Variants in ARHGEF12 observed in about 807,000 individuals in gnomAD.
The protein encoded by ARHGEF12 is Rho guanine nucleotide exchange factor 12.
A neutral mutation model predicts 211.2 loss-of-function variants in ARHGEF12; 66 were observed. The observed-to-expected ratio is 0.31, with a 90% CI of 0.26 to 0.38. ARHGEF12 has a LOEUF of 0.38. ARHGEF12 is among the 10% of genes least tolerant of loss of function. The pLI is 1.00. For missense variants in ARHGEF12, 1,429 were observed against 1,869.5 expected (o/e 0.76, Z 4.34); for synonymous variants, 592 against 638.4 (o/e 0.93, Z 1.09).
chr11:120,422,429 G>A (rs11217863), intron 6 of ARHGEF12, among the ~76,000 whole-genome samples: 13,446 of 152,194 alleles, frequency 0.088, 839 homozygotes, highest in South Asian at 0.21. Context: ...GCAATATAGT[G>A]AGACCCTGTC....
chr11:120,438,687 T>C (rs1472618605), intron 12 of ARHGEF12: 2 of 152,328 alleles, frequency 1.3e-5, no homozygotes, highest in East Asian at 3.9e-4. Context: ...CCTTCTTTGC[T>C]GAACTCCATC....
intron 1 of ARHGEF12, among the ~76,000 whole-genome samples, chr11:120,362,848 C>G (rs1291308431): frequency 6.6e-6 from 1 of 152,196 alleles, no homozygotes. Context: ...TGCCTGTAAT[C>G]CCAGCAGTTT....
rs1332243576 is a variant in ARHGEF12 at position 120,481,723 on chromosome 11, A to C, written c.4554+147A>C. On this transcript the variant is annotated intron_variant, in intron 39 of 40. Coordinates refer to ENST00000397843, the MANE Select transcript of ARHGEF12 (RefSeq NM_015313.3). ...TTATCCATGAATAGGCCTGGGTAAA[A>C]AGTTGAGATTGGCATTGTTTATCTT... 6.6e-6 allele frequency: 5 copies of C among 752,226 alleles called. No homozygotes were observed. The Admixed American group carries it at 1.4e-4, about 22-fold the overall frequency. The allele number at this position is 752,226 out of a possible 1,614,324, so 46.6% of individuals were successfully genotyped here.
chr11:120,409,023 A>C, intron 3 of ARHGEF12: 1 of 173,514 alleles, frequency 5.8e-6, no homozygotes, highest in East Asian at 1.6e-4. Context: ...TTGTATCTAC[A>C]TCTGTGCTGT....
intron 14 of ARHGEF12, 57 bp downstream of exon 14, chr11:120,441,874 A>G (rs1308542659): frequency 6.0e-6 from 9 of 1,500,848 alleles, no homozygotes; most frequent in Non-Finnish European, 7.4e-6. Context: ...CATGTGCCAT[A>G]GAACTTTTCC....
intron 1 of ARHGEF12, among the ~76,000 whole-genome samples, chr11:120,343,797 C>G (rs1268176486): frequency 6.6e-6 from 1 of 152,218 alleles, no homozygotes; most frequent in Non-Finnish European, 1.5e-5. Context: ...GCTTGTCACA[C>G]TGCTTTTTCT....
chr11:120,347,546 C>G (rs1368949827), intron 1 of ARHGEF12, among the ~76,000 whole-genome samples: 1 of 152,072 alleles, frequency 6.6e-6, no homozygotes, highest in African/African-American at 2.4e-5. Flanking sequence ...GAGAAAGGAT[C>G]TATCATATCT....
chr11:120,349,641 T>C (rs760704886), intron 1 of ARHGEF12, among the ~76,000 whole-genome samples: 6 of 152,200 alleles, frequency 3.9e-5, no homozygotes, highest in African/African-American at 1.4e-4. Flanking sequence ...TCTGTAAAAA[T>C]GGGAAGAATA....
At chr11:120,448,486 C>G (rs1205013089) in intron 20 of ARHGEF12, 138 bp downstream of exon 20, 1 of 645,492 alleles carries the variant, frequency 1.5e-6, no homozygotes, top group Non-Finnish European at 2.7e-6. Context: ...GATACTGTCT[C>G]TGTTCTCAAG....
intron 1 of ARHGEF12, among the ~76,000 whole-genome samples, chr11:120,343,905 T>TA (rs1942612219): frequency 6.6e-6 from 1 of 152,208 alleles, no homozygotes; most frequent in African/African-American, 2.4e-5. Context: ...TACATTCATA[T>TA]ACTCAAAAGA....
In ARHGEF12 at chr11:120,460,731, C is replaced by A; in HGVS notation, c.2587C>A (p.Gln863Lys). 1 of 1,613,818 alleles carries A rather than the reference C, an allele frequency of 6.2e-7. No homozygotes were observed. Among genetic ancestry groups the A allele is most frequent in the Non-Finnish European group, 8.5e-7 (1 of 1,179,876 alleles). ...GAGAAATGAGACCTCTGTTATCGAT[C>A]AGATTGGGGAAGATTTGCTGACATG... ...RKRNETSVID[Q>K]IGEDLLTWFS... is the part of the protein sequence containing the mutation. The change falls in exon 27 of 41, where the codon CAG (glutamine) becomes AAG (lysine). Residue 863 changes from glutamine (Q) to lysine (K), a missense_variant. Physicochemically the swap from Gln to Lys is moderately conservative, Grantham distance 53. Transcript: ENST00000397843.
chr11:120,448,263 A>G lies in ARHGEF12; in HGVS notation c.1652A>G (p.Tyr551Cys), dbSNP rs1316358926. 3.1e-6 allele frequency: 5 copies of G among 1,614,090 alleles called. No individual in the cohort carries two copies. The highest frequency in any genetic ancestry group is 4.2e-6 in the Non-Finnish European group (5 of 1,179,958). Residue 551 changes from tyrosine to cysteine, a missense_variant, in exon 20 of 41, where the codon TAT becomes TGT. Physicochemically the swap from Tyr to Cys is radical, Grantham distance 194 (BLOSUM62 -2). Transcript: ENST00000397843. ...ACCATGCAGTATGTTATTCTCATGT[A>G]TATGAAGCATTTGGGAGTAAAAGTG... ...SSTMQYVILM[Y>C]MKHLGVKVKE...
intron 29 of ARHGEF12, among the ~76,000 whole-genome samples, chr11:120,467,732 G>A (rs1317492211): frequency 6.6e-6 from 1 of 150,864 alleles, no homozygotes; most frequent in Non-Finnish European, 1.5e-5. Flanking sequence ...ACCATACCCA[G>A]CCAAGATTTT....
intron 28 of ARHGEF12, among the ~76,000 whole-genome samples, chr11:120,466,219 C>G (rs1031252059): frequency 6.6e-6 from 1 of 152,226 alleles, no homozygotes; most frequent in African/African-American, 2.4e-5. Flanking sequence ...ATCTGATGCT[C>G]GAGGTTCTCT....
intron 1 of ARHGEF12, chr11:120,405,865 G>A (rs1339507064): frequency 3.0e-6 from 1 of 331,152 alleles, no homozygotes; most frequent in Admixed American, 5.0e-5. Flanking sequence ...TTATTATTGG[G>A]ATTTTTAAAA....
intron 31 of ARHGEF12, among the ~76,000 whole-genome samples, chr11:120,473,394 A>G (rs1186742904): frequency 6.6e-6 from 1 of 152,146 alleles, no homozygotes; most frequent in Non-Finnish European, 1.5e-5. Context: ...TATAAAATTT[A>G]ATTTTATTGT....
At chr11:120,444,552 TA>T (rs1457582274) in intron 15 of ARHGEF12, among the ~76,000 whole-genome samples, 2 of 152,342 alleles carry the variant, frequency 1.3e-5, no homozygotes, top group African/African-American at 4.8e-5. Flanking sequence ...TTCAAATGAA[TA>T]TAAAGAGATC....
intron 4 of ARHGEF12, among the ~76,000 whole-genome samples, chr11:120,419,782 T>C (rs1477819044): frequency 1.3e-5 from 2 of 152,240 alleles, no homozygotes; most frequent in African/African-American, 4.8e-5. Context: ...ATAAAAATCT[T>C]TAGAAAAAGT....
Position 120,489,600 on chromosome 11 carries a change from A to G in ARHGEF12, c.*4523A>G. 2 of 215,902 alleles carry G rather than the reference A, an allele frequency of 9.3e-6. No individual in the cohort carries two copies. Among genetic ancestry groups the G allele is most frequent in the East Asian group, 1.4e-4 (2 of 14,634 alleles). 13.4% of individuals were successfully genotyped at this position (215,902 alleles called of 1,614,324 possible). A position where few individuals can be genotyped will look rare whatever the true frequency, so the allele number is the denominator to read the frequency against. ...ATTTGCTGTATTTTGGTTTTGAAAT[A>G]CTTGTAATTTGACTTATTCTTGGGA... On this transcript the variant is annotated 3_prime_UTR_variant, in exon 41 of 41. Transcript: ENST00000397843.
Sources: allele counts gnomAD v4.1 joint callset (sites outside exome capture counted in the v4.1 genomes callset), GRCh38; gene constraint gnomAD v4.1.1; transcripts MANE v1.5; gene names NCBI Gene and HGNC (gene_info 2026-07-23, HGNC 2026-07-21).